Variants in KMT2C observed in about 807,000 individuals in gnomAD.
The protein encoded by KMT2C is lysine methyltransferase 2C.
A neutral mutation model predicts 507.9 loss-of-function variants in KMT2C; 88 were observed. The ratio of observed to expected loss-of-function variants is 0.17; its 90% CI spans 0.15 to 0.21. KMT2C has a LOEUF of 0.21. Among genes scored for constraint, KMT2C ranks in the 10% least tolerant of loss-of-function variants. The pLI is 1.00. For missense variants in KMT2C, 4,954 were observed against 5,957.8 expected (o/e 0.83, Z 5.55); for synonymous variants, 2,049 against 2,080.8 (o/e 0.98, Z 0.42).
At chr7:152,147,718 A>AAAAAG (rs1482019418) in intron 52 of KMT2C, among the ~76,000 whole-genome samples, 2 of 149,314 alleles carry the variant, frequency 1.3e-5, no homozygotes, top group African/African-American at 5.0e-5. Flanking sequence ...AAAAAAAAAA[A>AAAAAG]AAAAAAAAAA....
chr7:152,425,964 A>G (rs921184860), intron 1 of KMT2C, among the ~76,000 whole-genome samples: 1 of 152,174 alleles, frequency 6.6e-6, no homozygotes, highest in Admixed American at 6.6e-5. Context: ...GTAGAGTTAT[A>G]ATATGTAAAA....
rs898270028 is a variant in KMT2C, at chr7:152,316,426, TA to T, written c.390-1089del. 2.4e-3 allele frequency among the ~76,000 whole-genome samples: 372 copies of T among 152,064 alleles called. 4 individuals are homozygous for T. Among genetic ancestry groups the T allele is most frequent in the African/African-American group, 8.4e-3 (347 of 41,444 alleles). On this transcript the variant is annotated intron_variant, in intron 3 of 58. Transcript: ENST00000262189. ...CTATTAATAAAAAAGGAGAAAACAT[TA>T]AAAAATTAAGAGACAACAATCAATA...
intron 9 of KMT2C, among the ~76,000 whole-genome samples, chr7:152,253,664 G>A (rs931344092): frequency 1.3e-5 from 2 of 152,026 alleles, no homozygotes; most frequent in East Asian, 1.9e-4. Flanking sequence ...ACTCAAGCCT[G>A]GGCAACAATG....
At chr7:152,290,278 ATATATATATATATATATTTTTTTTTTTTT>A (rs2096397365) in intron 6 of KMT2C, among the ~76,000 whole-genome samples, 6 of 29,370 alleles carry the variant, frequency 2.0e-4, no homozygotes, top group African/African-American at 9.6e-4. Context: ...ATATATATAT[ATATATATATATATATATTTTTTTTTTTTT>A]TTTTTTTTTT....
At chr7:152,264,949 C>CCA in intron 8 of KMT2C, 89 bp downstream of exon 8, 1 of 1,444,628 alleles carries the variant, frequency 6.9e-7, no homozygotes, top group Non-Finnish European at 9.1e-7. Flanking sequence ...ATATGAACAA[C>CCA]CTCTATTATA....
chr7:152,372,566 CAT>C (rs747260146), intron 1 of KMT2C, among the ~76,000 whole-genome samples: 12 of 152,284 alleles, frequency 7.9e-5, no homozygotes, highest in East Asian at 5.8e-4. Context: ...ATTCCACACA[CAT>C]GTTAACCAAA....
intron 23 of KMT2C, among the ~76,000 whole-genome samples, chr7:152,218,025 G>A (rs990962993): frequency 3.3e-5 from 5 of 152,028 alleles, no homozygotes; most frequent in Non-Finnish European, 7.4e-5. Context: ...AACTCCAACT[G>A]CCCAAATCAA....
At chr7:152,240,150 G>A (rs2095356835) in intron 14 of KMT2C, among the ~76,000 whole-genome samples, 1 of 152,172 alleles carries the variant, frequency 6.6e-6, no homozygotes, top group East Asian at 1.9e-4. Context: ...CCTAGCTCAG[G>A]TAATCACTAT....
intron 13 of KMT2C, among the ~76,000 whole-genome samples, chr7:152,249,083 C>T (rs551334334): frequency 3.7e-4 from 57 of 152,198 alleles, no homozygotes; most frequent in Non-Finnish European, 5.1e-4. Context: ...CCATACCTGC[C>T]AACCTACCCA....
chr7:152,419,253 A>G (rs1332912933), intron 1 of KMT2C, among the ~76,000 whole-genome samples: 1 of 152,098 alleles, frequency 6.6e-6, no homozygotes, highest in African/African-American at 2.4e-5. Context: ...CAGGAGGCTG[A>G]GGCAGGAGAA....
At chr7:152,312,596 T>C (rs780658425) in intron 4 of KMT2C, among the ~76,000 whole-genome samples, 1 of 151,946 alleles carries the variant, frequency 6.6e-6, no homozygotes, top group African/African-American at 2.4e-5. Flanking sequence ...AAAAGCAAAA[T>C]AGCTACCAAA....
At chr7:152,297,049 G>GAA (rs1488116277) in intron 6 of KMT2C, among the ~76,000 whole-genome samples, 3 of 85,492 alleles carry the variant, frequency 3.5e-5, no homozygotes, top group Non-Finnish European at 6.8e-5. Flanking sequence ...AAGAAAGAAA[G>GAA]AAAGACAGAG....
chr7:152,389,112 G>A (rs1387529218), intron 1 of KMT2C, among the ~76,000 whole-genome samples: 1 of 151,778 alleles, frequency 6.6e-6, no homozygotes, highest in Non-Finnish European at 1.5e-5. Context: ...TCGACCTCCT[G>A]GCCTCGTGAT....
At chr7:152,304,152 T>G (rs2129195225) in intron 6 of KMT2C, among the ~76,000 whole-genome samples, 1 of 152,324 alleles carries the variant, frequency 6.6e-6, no homozygotes, top group East Asian at 1.9e-4. Flanking sequence ...CCCTTCCATT[T>G]TCTTAGATTA....
At chr7:152,366,987 C>A (rs2097252381) in intron 1 of KMT2C, 3 of 556,122 alleles carry the variant, frequency 5.4e-6, no homozygotes, top group Non-Finnish European at 9.6e-6. Flanking sequence ...CCAGTTGCAG[C>A]CCCGGCCGCA....
chr7:152,365,285 C>T (rs1198403591), intron 1 of KMT2C, among the ~76,000 whole-genome samples: 14 of 152,142 alleles, frequency 9.2e-5, no homozygotes, highest in African/African-American at 3.1e-4. Context: ...CCGAGGCAGG[C>T]GGATCACCTG....
chr7:152,352,263 C>T (rs57757067), intron 2 of KMT2C, among the ~76,000 whole-genome samples: 1,831 of 152,246 alleles, frequency 0.012, 41 homozygotes, highest in African/African-American at 0.042. Context: ...AATTTTTGGT[C>T]AGACCAGTTG....
chr7:152,255,293 A>G (rs1322526588), intron 9 of KMT2C, among the ~76,000 whole-genome samples: 1 of 150,730 alleles, frequency 6.6e-6, no homozygotes. Flanking sequence ...CAGCCTTCTG[A>G]GTAACTGGGA....
intron 1 of KMT2C, among the ~76,000 whole-genome samples, chr7:152,408,081 A>C (rs2097639354): frequency 6.6e-6 from 1 of 152,182 alleles, no homozygotes; most frequent in Non-Finnish European, 1.5e-5. Flanking sequence ...CAAGGTCAGG[A>C]GTTCGAGACC....
Sources: gnomAD v4.1 joint callset for allele counts (sites outside exome capture counted in the v4.1 genomes callset) on GRCh38, gnomAD v4.1.1 for gene constraint, MANE v1.5 for transcripts, NCBI Gene and HGNC (gene_info 2026-07-23, HGNC 2026-07-21) for gene names.